The following PLEKHA5 variants were observed in gnomAD, a reference collection of about 807,000 sequenced individuals.
The protein encoded by PLEKHA5 is pleckstrin homology domain containing A5, also known as pleckstrin homology domain-containing family A member 5.
PLEKHA5 carries 55 observed loss-of-function variants against 181.9 expected under a neutral mutation model. The observed-to-expected ratio is 0.30, with a 90% CI of 0.24 to 0.38. The LOEUF (loss-of-function observed/expected upper bound fraction) is 0.38, where lower values mean the gene tolerates loss of function less well. Ranked by LOEUF, PLEKHA5 falls within the 10% of genes least tolerant of loss-of-function variation. The pLI is 1.00. For synonymous variants in PLEKHA5, 535 were observed against 529.4 expected (o/e 1.01, Z -0.15); for missense variants, 1,432 against 1,549.5 (o/e 0.92, Z 1.27).
chr12:19,138,466 G>A (rs918223481), intron 3 of PLEKHA5, among the ~76,000 whole-genome samples: 11 of 151,784 alleles, frequency 7.2e-5, no homozygotes, highest in Admixed American at 1.3e-4. Flanking sequence ...CCAGCTACTC[G>A]GGAGGCTGAG....
At chr12:19,324,375 T>A (rs1359408324) in intron 20 of PLEKHA5, among the ~76,000 whole-genome samples, 2 of 152,246 alleles carry the variant, frequency 1.3e-5, no homozygotes, top group African/African-American at 4.8e-5. Context: ...TTGTCATGTT[T>A]GTAGACTTTT....
At chr12:19,363,670 T>G (rs2153257986) in intron 29 of PLEKHA5, among the ~76,000 whole-genome samples, 1 of 152,050 alleles carries the variant, frequency 6.6e-6, no homozygotes, top group Admixed American at 6.6e-5. Context: ...TTTTGTATTT[T>G]TAGTAGAGAC....
At chr12:19,279,974 G>A (rs892615895) in intron 11 of PLEKHA5, among the ~76,000 whole-genome samples, 4 of 150,290 alleles carry the variant, frequency 2.7e-5, no homozygotes, top group Non-Finnish European at 4.4e-5. Flanking sequence ...AAATTATGCC[G>A]GCAGTTTATT....
intron 15 of PLEKHA5, among the ~76,000 whole-genome samples, chr12:19,296,261 G>A (rs1592361796): frequency 6.7e-6 from 1 of 148,714 alleles, no homozygotes; most frequent in African/African-American, 2.5e-5. Context: ...AAATTACTCA[G>A]TGTGGCCAGG....
At chr12:19,266,133 CCTG>C (rs1275852065) in intron 8 of PLEKHA5, among the ~76,000 whole-genome samples, 1 of 151,918 alleles carries the variant, frequency 6.6e-6, no homozygotes. Context: ...TTATGGATGT[CCTG>C]GTGATTATTA....
chr12:19,188,055 G>A (rs186777955), intron 3 of PLEKHA5, among the ~76,000 whole-genome samples: 1 of 152,232 alleles, frequency 6.6e-6, no homozygotes, highest in African/African-American at 2.4e-5. Flanking sequence ...CCACCTGTCA[G>A]AACATTGCCA....
At chr12:19,268,114 ATTAACT>A (rs2071158730) in intron 8 of PLEKHA5, among the ~76,000 whole-genome samples, 1 of 152,208 alleles carries the variant, frequency 6.6e-6, no homozygotes, top group African/African-American at 2.4e-5. Context: ...TCATAGTTAA[ATTAACT>A]TTATCAAAAT....
chr12:19,245,676 G>A (rs1211429784), intron 3 of PLEKHA5, among the ~76,000 whole-genome samples: 3 of 130,602 alleles, frequency 2.3e-5, no homozygotes, highest in African/African-American at 8.8e-5. Context: ...GCAGTGAGCC[G>A]AGATCACGCC....
Position 19,314,816 on chromosome 12 carries a change from G to T in PLEKHA5, c.2040G>T (p.Met680Ile). ...QRNTIYLDHQMKENEPIITMV... is the reference protein window; with the variant it reads ...QRNTIYLDHQIKENEPIITMV... ...ATGCTCCTCCTGATTTGAAATAGAT[G>T]AAAGAAAATGAACCTATTATCACCA... The change falls in exon 16 of 32, where the codon ATG becomes ATT. Residue 680 changes from methionine to isoleucine, a missense_variant and splice_region_variant. Around this residue, in one of 2 missense-constraint regions of PLEKHA5, gnomAD observed 1,143 missense variants for 1,168.4 expected, o/e 0.98. Transcript: ENST00000429027. 6.5e-7 allele frequency: 1 copy of T among 1,529,288 alleles called. No homozygotes were observed. Among genetic ancestry groups the T allele is most frequent in the South Asian group, 1.2e-5 (1 of 83,640 alleles). 94.7% of individuals were successfully genotyped at this position (1,529,288 alleles called of 1,614,324 possible). A position where few individuals can be genotyped will look rare whatever the true frequency, so the allele number is the denominator to read the frequency against.
At chr12:19,154,663 G>A (rs2041259528) in intron 3 of PLEKHA5, 1 of 152,084 alleles carries the variant, frequency 6.6e-6, no homozygotes, top group Admixed American at 6.5e-5. Context: ...CACTTTTTGT[G>A]TTTACTTGTT....
At chr12:19,204,290 T>C (rs890340166) in intron 3 of PLEKHA5, among the ~76,000 whole-genome samples, 1 of 152,122 alleles carries the variant, frequency 6.6e-6, no homozygotes, top group Non-Finnish European at 1.5e-5. Context: ...CCCCACTCTG[T>C]CAGTGACTTG....
At chr12:19,327,308 CATT>C (rs1199632292) in intron 20 of PLEKHA5, among the ~76,000 whole-genome samples, 1 of 145,220 alleles carries the variant, frequency 6.9e-6, no homozygotes, top group Non-Finnish European at 1.5e-5. Flanking sequence ...GATGGTATCT[CATT>C]GTGATTTTAA....
chr12:19,164,712 G>A (rs1011714508), intron 3 of PLEKHA5, among the ~76,000 whole-genome samples: 5 of 151,990 alleles, frequency 3.3e-5, no homozygotes, highest in African/African-American at 1.2e-4. Context: ...GGCCTTGCTT[G>A]CTTATATCCT....
intron 15 of PLEKHA5, chr12:19,306,486 C>T (rs1342205097): frequency 1.4e-6 from 1 of 690,750 alleles, no homozygotes; most frequent in East Asian, 3.2e-5. Flanking sequence ...TTCCTCTTCC[C>T]CCTCCTTGCT....
In PLEKHA5 at chr12:19,205,066, A is replaced by G. The variant is rs963797660; in HGVS notation, c.228-48874A>G. On this transcript the variant is annotated intron_variant, in intron 3 of 31. Coordinates refer to ENST00000429027, the MANE Select transcript of PLEKHA5 (RefSeq NM_001256470.2). ...CTTGTTATTTAATAAACTTGTAGAA[A>G]TAATCATTTCCAGTTAAATGAACCA... is the stretch of plus-strand genomic sequence containing the variant. 2.0e-5 allele frequency among the ~76,000 whole-genome samples: 3 copies of G among 152,132 alleles called. No homozygotes were observed. In the East Asian group the frequency reaches 5.8e-4, roughly 29 times the overall value.
intron 3 of PLEKHA5, among the ~76,000 whole-genome samples, chr12:19,246,394 G>A (rs553797839): frequency 6.6e-6 from 1 of 151,978 alleles, no homozygotes; most frequent in South Asian, 2.1e-4. Flanking sequence ...GGATGCTGAG[G>A]TGGGTGGATC....
At chr12:19,157,987 A>C (rs1170010237) in intron 3 of PLEKHA5, among the ~76,000 whole-genome samples, 1 of 152,082 alleles carries the variant, frequency 6.6e-6, no homozygotes, top group African/African-American at 2.4e-5. Context: ...AAAAACCTCT[A>C]CTCATGTCAA....
At chr12:19,271,557 G>C (rs1326034425) in intron 10 of PLEKHA5, among the ~76,000 whole-genome samples, 6 of 152,038 alleles carry the variant, frequency 3.9e-5, no homozygotes, top group Non-Finnish European at 8.8e-5. Flanking sequence ...AAATTTTTAG[G>C]AAATTGTTTA....
intron 13 of PLEKHA5, among the ~76,000 whole-genome samples, chr12:19,290,227 G>A (rs2078115000): frequency 6.6e-6 from 1 of 152,052 alleles, no homozygotes; most frequent in Non-Finnish European, 1.5e-5. Flanking sequence ...CACTGTGCCC[G>A]GACTACATTT....
Sources: gnomAD v4.1 joint callset for allele counts (sites outside exome capture counted in the v4.1 genomes callset) on GRCh38, gnomAD v4.1.1 for gene constraint, gnomAD v4.1.1 regional missense constraint, MANE v1.5 for transcripts, NCBI Gene and HGNC (gene_info 2026-07-23, HGNC 2026-07-21) for gene names.